The following CNTNAP2 variants were observed in gnomAD, a reference collection of about 807,000 sequenced individuals.
CNTNAP2 encodes the protein contactin associated protein 2, also known as contactin-associated protein-like 2.
CNTNAP2 carries 98 observed loss-of-function variants against 155.2 expected under a neutral mutation model. The ratio of observed to expected loss-of-function variants is 0.63; its 90% CI spans 0.54 to 0.75. The LOEUF (loss-of-function observed/expected upper bound fraction) is 0.75. Among genes scored for constraint, CNTNAP2 ranks in the 30% least tolerant of loss-of-function variants. The probability of loss-of-function intolerance (pLI) is 0.00; values close to 1 mark genes in which losing one functional copy is unlikely to be tolerated. For missense variants in CNTNAP2, 1,727 were observed against 1,688.1 expected (o/e 1.02, Z -0.40); for synonymous variants, 651 against 631.2 (o/e 1.03, Z -0.47).
chr7:147,295,613 C>A (rs1240140772), intron 8 of CNTNAP2, among the ~76,000 whole-genome samples: 1 of 152,092 alleles, frequency 6.6e-6, no homozygotes, highest in Non-Finnish European at 1.5e-5. Context: ...ATAAAAAGAT[C>A]ATGAAATTCT....
chr7:147,433,069 C>A (rs1004063834), intron 10 of CNTNAP2, among the ~76,000 whole-genome samples: 5 of 152,150 alleles, frequency 3.3e-5, no homozygotes, highest in Non-Finnish European at 7.3e-5. Flanking sequence ...ACCTGGCTCA[C>A]CAGCAGCACA....
intron 1 of CNTNAP2, among the ~76,000 whole-genome samples, chr7:146,669,480 G>A (rs1585034169): frequency 6.6e-6 from 1 of 152,254 alleles, no homozygotes; most frequent in East Asian, 1.9e-4. Context: ...TCAATTGCGT[G>A]TAACCAATCT....
intron 3 of CNTNAP2, among the ~76,000 whole-genome samples, chr7:146,884,855 A>G (rs1490720879): frequency 6.6e-6 from 1 of 152,202 alleles, no homozygotes; most frequent in Non-Finnish European, 1.5e-5. Context: ...TTATCATTCT[A>G]AAAACTTGTA....
intron 1 of CNTNAP2, among the ~76,000 whole-genome samples, chr7:146,694,424 G>A (rs898377835): frequency 1.3e-5 from 2 of 152,076 alleles, no homozygotes; most frequent in African/African-American, 4.8e-5. Context: ...ATTTGTGTGG[G>A]TCTATTTCTG....
At chr7:148,336,556 A>AAAAAG (rs1798119292) in intron 21 of CNTNAP2, among the ~76,000 whole-genome samples, 1 of 78,900 alleles carries the variant, frequency 1.3e-5, no homozygotes, top group African/African-American at 4.5e-5. Context: ...AAAAGAAAAA[A>AAAAAG]AAAAAAGCCA....
At chr7:147,908,207 T>C (rs1271829467) in intron 14 of CNTNAP2, among the ~76,000 whole-genome samples, 1 of 152,200 alleles carries the variant, frequency 6.6e-6, no homozygotes, top group Non-Finnish European at 1.5e-5. Flanking sequence ...CACATGCAGA[T>C]GTTATGAAAC....
chr7:146,442,564 T>C (rs1426734002), intron 1 of CNTNAP2, among the ~76,000 whole-genome samples: 1 of 152,156 alleles, frequency 6.6e-6, no homozygotes, highest in African/African-American at 2.4e-5. Context: ...AAACTCTGTG[T>C]TGAATTGGTA....
chr7:147,629,707 A>G (rs911656044), intron 12 of CNTNAP2, among the ~76,000 whole-genome samples: 3 of 152,082 alleles, frequency 2.0e-5, no homozygotes, highest in Non-Finnish European at 4.4e-5. Flanking sequence ...CTTGGAAATT[A>G]AATCACCTGT....
At chr7:146,770,606 T>C (rs1361833559) in intron 1 of CNTNAP2, among the ~76,000 whole-genome samples, 11 of 151,944 alleles carry the variant, frequency 7.2e-5, no homozygotes, top group Non-Finnish European at 1.0e-4. Flanking sequence ...AATTTAATTC[T>C]AATTATTGTT....
intron 1 of CNTNAP2, among the ~76,000 whole-genome samples, chr7:146,455,176 A>G (rs1796538752): frequency 6.6e-6 from 1 of 152,226 alleles, no homozygotes; most frequent in Non-Finnish European, 1.5e-5. Context: ...GGCATGCAAC[A>G]TTGCCCTAGA....
At chr7:147,917,989 G>A (rs948662338) in intron 14 of CNTNAP2, among the ~76,000 whole-genome samples, 1 of 152,102 alleles carries the variant, frequency 6.6e-6, no homozygotes, top group Non-Finnish European at 1.5e-5. Flanking sequence ...ATCTACTTCT[G>A]CAGAACCAGC....
At chr7:146,885,828 A>G (rs895818712) in intron 3 of CNTNAP2, among the ~76,000 whole-genome samples, 4 of 152,170 alleles carry the variant, frequency 2.6e-5, no homozygotes, top group Middle Eastern at 3.4e-3. Context: ...TTTCAGCATG[A>G]ATTGTAAACT....
chr7:146,137,324 A>G (rs1051332296), intron 1 of CNTNAP2, among the ~76,000 whole-genome samples: 22 of 152,188 alleles, frequency 1.4e-4, no homozygotes, highest in Non-Finnish European at 4.4e-5. Flanking sequence ...GCCATAATAT[A>G]TGCCTTTGGA....
intron 13 of CNTNAP2, among the ~76,000 whole-genome samples, chr7:147,854,891 A>G (rs1249040816): frequency 6.6e-6 from 1 of 152,166 alleles, no homozygotes; most frequent in Non-Finnish European, 1.5e-5. Flanking sequence ...GAAAAGGCCA[A>G]ATTGAGATAT....
intron 3 of CNTNAP2, among the ~76,000 whole-genome samples, chr7:146,916,171 C>T (rs1796390354): frequency 6.6e-6 from 1 of 152,110 alleles, no homozygotes; most frequent in African/African-American, 2.4e-5. Flanking sequence ...ATGAGACCCA[C>T]TTGATCATGA....
chr7:147,998,953 G>GT (rs1338093620), intron 15 of CNTNAP2, among the ~76,000 whole-genome samples: 1 of 152,154 alleles, frequency 6.6e-6, no homozygotes, highest in Admixed American at 6.5e-5. Flanking sequence ...TGCCTATGTA[G>GT]TTTTTTAAAC....
chr7:146,601,541 A>G (rs1798949638), intron 1 of CNTNAP2, among the ~76,000 whole-genome samples: 2 of 152,108 alleles, frequency 1.3e-5, no homozygotes. Flanking sequence ...TTCTTCCTAT[A>G]TCAATCCATA....
intron 1 of CNTNAP2, among the ~76,000 whole-genome samples, chr7:146,546,161 G>GCAGAAAACCACTTGTGTTC (rs1798026646): frequency 6.6e-6 from 1 of 151,908 alleles, no homozygotes; most frequent in Non-Finnish European, 1.5e-5. Flanking sequence ...CATGGTATGT[G>GCAGAAAACCACTTGTGTTC]TATTTGTGTG....
At chr7:147,772,634 C>T (rs1026927035) in intron 13 of CNTNAP2, among the ~76,000 whole-genome samples, 1 of 151,490 alleles carries the variant, frequency 6.6e-6, no homozygotes, top group African/African-American at 2.4e-5. Flanking sequence ...ATTCTGTAAC[C>T]TTTACTTTCA....
Sources: gnomAD v4.1 joint callset for allele counts (sites outside exome capture counted in the v4.1 genomes callset) on GRCh38, gnomAD v4.1.1 for gene constraint, MANE v1.5 for transcripts, NCBI Gene and HGNC (gene_info 2026-07-23, HGNC 2026-07-21) for gene names.